KIF23: variants seen among roughly 807,000 people sequenced by gnomAD.
KIF23 encodes the protein kinesin-like protein KIF23.
Under a neutral mutation model 137.5 loss-of-function variants are expected in KIF23, and 30 were observed. The ratio of observed to expected loss-of-function variants is 0.22; its 90% CI spans 0.16 to 0.30. KIF23 has a LOEUF of 0.30. Ranked by LOEUF, KIF23 falls within the 10% of genes least tolerant of loss-of-function variation. The pLI is 1.00. For synonymous variants in KIF23, 367 were observed against 391.1 expected, an observed-to-expected ratio of 0.94 and a Z score of 0.73; for missense variants, 920 against 1,194.3, an observed-to-expected ratio of 0.77 and a Z score of 3.38.
At chr15:69,447,171 T>C (rs1211685600) in intron 23 of KIF23, among the ~76,000 whole-genome samples, 1 of 152,180 alleles carries the variant, frequency 6.6e-6, no homozygotes, top group Non-Finnish European at 1.5e-5. Flanking sequence ...CAGGCGGTGG[T>C]GGAAGATTGG....
At chr15:69,440,223 TTTAGGAAATA>T in intron 17 of KIF23, 75 bp from the exon 18 acceptor site, 2 of 1,517,902 alleles carry the variant, frequency 1.3e-6, no homozygotes, top group Admixed American at 4.2e-5. Context: ...AACTGTCATT[TTTAGGAAATA>T]AAGAGATTGG....
At chr15:69,418,745 C>T (rs952578482) in intron 3 of KIF23, among the ~76,000 whole-genome samples, 1 of 152,128 alleles carries the variant, frequency 6.6e-6, no homozygotes, top group Non-Finnish European at 1.5e-5. Context: ...GATGGAACTG[C>T]CCGTGTGAGT....
intron 11 of KIF23, chr15:69,434,622 T>A (rs889671717): frequency 2.7e-4 from 372 of 1,396,242 alleles, no homozygotes; most frequent in Middle Eastern, 8.9e-4. Context: ...ACATAGTTGA[T>A]GATGTAGGGG....
intron 7 of KIF23, among the ~76,000 whole-genome samples, chr15:69,424,593 G>A (rs191744794): frequency 3.2e-4 from 48 of 152,272 alleles, no homozygotes; most frequent in African/African-American, 1.1e-3. Context: ...AACCTCCTGG[G>A]TTCAGGTGAT....
rs145798535 is a variant in KIF23 at position 69,440,997 on chromosome 15, G to A, written c.2339G>A (p.Arg780Gln). ...ACTTGTATCGTGTCAGACAGAAGGC[G>A]AGGGATGTACTGGACTGAAGGCAGG... ...SKTCIVSDRRRGMYWTEGREV... is the reference protein window; with the variant it reads ...SKTCIVSDRRQGMYWTEGREV... The change falls in exon 19 of 24, where the codon CGA (arginine) becomes CAA (glutamine). Residue 780 changes from arginine (R) to glutamine (Q), a missense_variant. By Grantham distance (43) the Arg-to-Gln change is conservative (BLOSUM62 1). Coordinates refer to ENST00000679126, the MANE Select transcript of KIF23 (RefSeq NM_001367805.3). 10 of 1,614,132 alleles carry A rather than the reference G, an allele frequency of 6.2e-6. No individual in the cohort carries two copies. The highest frequency in any genetic ancestry group is 5.0e-5 in the Admixed American group (3 of 60,006).
intron 19 of KIF23, among the ~76,000 whole-genome samples, chr15:69,441,446 A>C (rs1232741028): frequency 6.6e-6 from 1 of 152,036 alleles, no homozygotes; most frequent in Non-Finnish European, 1.5e-5. Context: ...GATTTTTTAT[A>C]CCTCCTTTCA....
At chr15:69,416,422 A>G (rs1256781833) in intron 2 of KIF23, among the ~76,000 whole-genome samples, 1 of 152,236 alleles carries the variant, frequency 6.6e-6, no homozygotes, top group African/African-American at 2.4e-5. Context: ...GAGAGTTCCA[A>G]ACTTCTTGGG....
chr15:69,440,221 T>G, intron 17 of KIF23, 87 bp from the exon 18 acceptor site: 7 of 1,515,092 alleles, frequency 4.6e-6, no homozygotes, highest in Non-Finnish European at 6.2e-6. Flanking sequence ...AGAACTGTCA[T>G]TTTTAGGAAA....
At position 69,446,102 on chromosome 15, in the gene KIF23, A is replaced by G. The variant is rs7169479; in HGVS notation, c.2756+11A>G. 8.8e-4 allele frequency: 1,411 copies of G among 1,605,950 alleles called. 9 individuals are homozygous for G. In the African/African-American group the frequency reaches 0.017, roughly 19 times the overall value. ...AGAATCACCAAATGGGTAAGTAACC[A>G]TCAAAAATCTCTGTATAAAAGTTGG... On this transcript the variant is annotated intron_variant, in intron 21 of 23. Transcript: ENST00000679126.
At chr15:69,414,676 T>TGCCGCGTCGCCCCCC (rs987386474) in intron 1 of KIF23, 200 bp downstream of exon 1, 73 of 504,808 alleles carry the variant, frequency 1.4e-4, no homozygotes, top group Non-Finnish European at 2.1e-4. Flanking sequence ...CGGAGACCCC[T>TGCCGCGTCGCCCCCC]GCCGCGTCGC....
At chr15:69,416,260 TAGTCCAGTAAAATG>T (rs2056904574) in intron 2 of KIF23, among the ~76,000 whole-genome samples, 197 bp downstream of exon 2, 1 of 152,208 alleles carries the variant, frequency 6.6e-6, no homozygotes, top group Non-Finnish European at 1.5e-5. Flanking sequence ...TTAATTAAAT[TAGTCCAGTAAAATG>T]AAGTCTTTGG....
Position 69,421,887 on chromosome 15 carries a change from G to A in KIF23, c.317-105G>A, listed in dbSNP as rs183300516. On this transcript the variant is annotated intron_variant, in intron 4 of 23. Transcript: ENST00000679126. ...AATTTGTTAGGGTGGTGCTAAACTT[G>A]CCTTTTTTGAGCTGGCTAATTGTTA... 123 of 1,412,896 alleles carry A rather than the reference G, an allele frequency of 8.7e-5. 1 individual carries two copies. In the East Asian group the frequency reaches 2.8e-3, roughly 33 times the overall value. 87.5% of individuals were successfully genotyped at this position (1,412,896 alleles called of 1,614,324 possible).
chr15:69,417,545 A>G (rs1386715571), intron 3 of KIF23, 34 bp downstream of exon 3: 3 of 1,593,446 alleles, frequency 1.9e-6, no homozygotes, highest in Non-Finnish European at 2.6e-6. Flanking sequence ...GTTTTTACTC[A>G]ATATGTTGTT....
chr15:69,447,512 CAT>C (rs2057766613), intron 23 of KIF23, among the ~76,000 whole-genome samples: 1 of 151,928 alleles, frequency 6.6e-6, no homozygotes, highest in African/African-American at 2.4e-5. Flanking sequence ...ATGTTATATA[CAT>C]ATATGTATAT....
intron 2 of KIF23, among the ~76,000 whole-genome samples, chr15:69,416,949 CTAAA>C (rs60029908): frequency 1.3e-5 from 2 of 150,240 alleles, no homozygotes; most frequent in Non-Finnish European, 3.0e-5. Context: ...AACTCTGTCT[CTAAA>C]TAAATAAATA....
chr15:69,432,102 G>A (rs750648128), intron 11 of KIF23, among the ~76,000 whole-genome samples: 1 of 152,196 alleles, frequency 6.6e-6, no homozygotes, highest in Non-Finnish European at 1.5e-5. Flanking sequence ...CCAAGAGGAA[G>A]GATTAACTTT....
intron 3 of KIF23, among the ~76,000 whole-genome samples, chr15:69,417,740 GTAT>G (rs1363696446): frequency 6.6e-6 from 1 of 152,174 alleles, no homozygotes; most frequent in East Asian, 1.9e-4. Context: ...CTTACACTGA[GTAT>G]TATTGTTTCT....
At position 69,417,808 on chromosome 15, in the gene KIF23, A is replaced by C. The variant is rs1438126616; in HGVS notation, c.210+297A>C. Among the ~76,000 whole-genome samples, 3 of 152,364 alleles carry C rather than the reference A, an allele frequency of 2.0e-5. No individual in the cohort carries two copies. The East Asian group carries it at 5.8e-4, about 29-fold the overall frequency. ...GGAATGATACATGATTGTGCTAGGC[A>C]GTTTTATATATACAACTTGATGTGT... On this transcript the variant is annotated intron_variant, in intron 3 of 23. Coordinates refer to ENST00000679126, the MANE Select transcript of KIF23 (RefSeq NM_001367805.3).
At chr15:69,416,923 T>C (rs917883856) in intron 2 of KIF23, among the ~76,000 whole-genome samples, 8 of 150,040 alleles carry the variant, frequency 5.3e-5, no homozygotes, top group Non-Finnish European at 8.9e-5. Context: ...CACTCCAGCC[T>C]GGGTGACAAG....
Sources: allele counts gnomAD v4.1 joint callset (sites outside exome capture counted in the v4.1 genomes callset), GRCh38; gene constraint gnomAD v4.1.1; transcripts MANE v1.5; gene names NCBI Gene and HGNC (gene_info 2026-07-23, HGNC 2026-07-21).